Variants in LAMA5 observed in about 807,000 individuals in gnomAD.
LAMA5 encodes the protein laminin subunit alpha 5, also known as laminin subunit alpha-5.
In LAMA5, 260 loss-of-function variants were observed where a neutral mutation model predicts 433.4. That is an observed-to-expected ratio of 0.60 (90% CI 0.54 to 0.66). The LOEUF is 0.66. Among genes scored for constraint, LAMA5 ranks in the 30% least tolerant of loss-of-function variants. The pLI, the probability that LAMA5 is intolerant of heterozygous loss-of-function variation, is 0.00. For missense variants in LAMA5, 5,378 were observed against 5,258.5 expected (o/e 1.02, Z -0.70); for synonymous variants, 2,620 against 2,226.6 (o/e 1.18, Z -4.97).
At chr20:62,348,127 G>GT (rs1482972795) in intron 6 of LAMA5, among the ~76,000 whole-genome samples, 3 of 152,208 alleles carry the variant, frequency 2.0e-5, no homozygotes, top group Non-Finnish European at 4.4e-5. Context: ...ACCCTGGGGT[G>GT]TATAGCAAAA....
At chr20:62,312,823 G>T (rs199590636) in intron 66 of LAMA5, 43 bp from the exon 67 acceptor site, 66 of 1,601,630 alleles carry the variant, frequency 4.1e-5, no homozygotes, top group Non-Finnish European at 5.3e-5. Context: ...GTGTCCCTGC[G>T]GCCTGCCCCG....
intron 55 of LAMA5, 27 bp from the exon 56 acceptor site, chr20:62,317,050 G>C (rs769258562): frequency 6.6e-7 from 1 of 1,513,020 alleles, no homozygotes; most frequent in Non-Finnish European, 8.8e-7. Flanking sequence ...GGTCGAAGGA[G>C]TGGGTAAGCG....
At position 62,329,164 on chromosome 20, in the gene LAMA5, G is replaced by A. The variant is rs768639039; in HGVS notation, c.4209C>T (p.His1403=). The change falls in exon 33 of 80, where the codon CAC becomes CAT. Residue 1403 remains histidine, a synonymous_variant. Transcript: ENST00000252999. The part of the protein sequence containing the change: ...PLDKSYDFIS[H]CAAQGYHISP... The stretch of plus-strand genomic sequence containing the variant: ...TGATGTGGTAGCCCTGGGCTGCGCA[G>A]TGGCTGATGAAGTCATAGGATTTAT... 2 of 1,612,840 alleles carry A rather than the reference G, an allele frequency of 1.2e-6. No homozygotes were observed. Among genetic ancestry groups the A allele is most frequent in the South Asian group, 1.1e-5 (1 of 91,086 alleles).
chr20:62,354,939 C>A (rs749863), intron 2 of LAMA5, among the ~76,000 whole-genome samples: 1 of 152,190 alleles, frequency 6.6e-6, no homozygotes, highest in African/African-American at 2.4e-5. Context: ...ACCTCTCCCC[C>A]GCCTGTGCGA....
At chr20:62,325,108 G>A (rs1979027322) in intron 41 of LAMA5, 1 of 570,584 alleles carries the variant, frequency 1.8e-6, no homozygotes, top group Non-Finnish European at 3.1e-6. Flanking sequence ...ATGAGGGGCA[G>A]GCAGGCGGAC....
rs147494593 is a variant in LAMA5 at position 62,336,660 on chromosome 20, C to G, written c.2217+74G>C. On this transcript the variant is annotated intron_variant, in intron 17 of 79. Transcript: ENST00000252999. ...TGAGCAGCAGGCAGGAAGCCCTGGT[C>G]TCACCGGACTCGGGACTTTTAGCTT... The G allele has an allele frequency of 1.8e-4, 275 of 1,546,416 alleles. 1 individual carries two copies. In the African/African-American group the frequency reaches 2.8e-3, roughly 16 times the overall value.
In LAMA5 at chr20:62,327,616, C is replaced by G. The variant is rs747930255; in HGVS notation, c.4851G>C (p.Leu1617=). 1 of 1,613,024 alleles carries G rather than the reference C, an allele frequency of 6.2e-7. No homozygotes were observed. The highest frequency in any genetic ancestry group is 2.2e-5 in the East Asian group (1 of 44,890). ...CDQCSLGTFS[L]DAANPKGCTR... is the part of the protein sequence containing the mutation. ...TGCAACCTTTGGGGTTGGCAGCATCCAGTGAGAAGGTCCCAAGGCTGCACT... is the reference window on the plus strand; with the variant it reads ...TGCAACCTTTGGGGTTGGCAGCATCGAGTGAGAAGGTCCCAAGGCTGCACT... Residue 1617 remains leucine (L), a synonymous_variant, in exon 37 of 80, where the codon CTG becomes CTC. Transcript: ENST00000252999.
chr20:62,316,796 T>G, intron 56 of LAMA5, 23 bp from the exon 57 acceptor site: 1 of 1,587,170 alleles, frequency 6.3e-7, no homozygotes, highest in Non-Finnish European at 8.6e-7. Flanking sequence ...GGGCAGACCG[T>G]GGCTCAGACA....
Position 62,319,807 on chromosome 20 carries a change from G to GAGCCCACT in LAMA5, c.6760-20_6760-13dup. ...CGGGTCCCCACGGCCTGTGGAGGAA[G>GAGCCCACT]AGCCCACTAGCCCACGCTGCTGGTA... On this transcript the variant is annotated splice_polypyrimidine_tract_variant and intron_variant, in intron 50 of 79. Coordinates refer to ENST00000252999, the MANE Select transcript of LAMA5 (RefSeq NM_005560.6). 6.5e-7 allele frequency: 1 copy of GAGCCCACT among 1,537,336 alleles called. No homozygotes were observed. The highest frequency in any genetic ancestry group is 1.4e-5 in the African/African-American group (1 of 73,026).
At chr20:62,328,106 A>C (rs1979644540) in intron 35 of LAMA5, 96 bp from the exon 36 acceptor site, 2 of 1,548,740 alleles carry the variant, frequency 1.3e-6, no homozygotes, top group African/African-American at 2.7e-5. Flanking sequence ...GCATCCTCCC[A>C]GAAGTGGAGG....
In LAMA5 at chr20:62,318,481, G is replaced by T; in HGVS notation, c.7212C>A (p.Arg2404=). The T allele has an allele frequency of 5.0e-6, 8 of 1,607,480 alleles. No individual in the cohort carries two copies. Among genetic ancestry groups the T allele is most frequent in the Non-Finnish European group, 6.8e-6 (8 of 1,178,598 alleles). Reference sequence around the variant, plus strand: ...GGGCTTCCTCCAGGCGCTCCTGGTTGCGGCTGTTGAGCTCCTGGGCCTCCC... The same window carrying T: ...GGGCTTCCTCCAGGCGCTCCTGGTTTCGGCTGTTGAGCTCCTGGGCCTCCC... ...ATREAQELNS[R]NQERLEEALQ... Residue 2404 remains arginine (R), a synonymous_variant, in exon 53 of 80, where the codon CGC becomes CGA. Coordinates refer to ENST00000252999, the MANE Select transcript of LAMA5 (RefSeq NM_005560.6).
Position 62,353,160 on chromosome 20 carries a change from G to C in LAMA5, c.542C>G (p.Thr181Ser). The change falls in exon 3 of 80, where the codon ACC (threonine) becomes AGC (serine). Residue 181 changes from threonine (T) to serine (S), a missense_variant. By Grantham distance (58) the Thr-to-Ser change is moderately conservative. Transcript: ENST00000252999. ...GGCAAAGAACTGCCAGGGCTGGTAG[G>C]TGCGGCCGAAGTCCATGGACCGCTC... is the stretch of plus-strand genomic sequence containing the variant. Reference protein sequence around the residue: ...VLERSMDFGRTYQPWQFFASS... With the variant: ...VLERSMDFGRSYQPWQFFASS... 2 of 1,577,922 alleles carry C rather than the reference G, an allele frequency of 1.3e-6. No homozygotes were observed. Among genetic ancestry groups the C allele is most frequent in the Non-Finnish European group, 1.7e-6 (2 of 1,162,460 alleles).
rs760630940 is a variant in LAMA5, at chr20:62,332,381, G to A, written c.3543C>T (p.Arg1181=). 6.2e-7 allele frequency: 1 copy of A among 1,611,342 alleles called. No homozygotes were observed. The highest frequency in any genetic ancestry group is 1.1e-5 in the South Asian group (1 of 91,050). The change falls in exon 28 of 80, where the codon CGC becomes CGT. Residue 1181 remains arginine, a synonymous_variant. Transcript: ENST00000252999. ...ASVRLTAEQA[R]FFLHGVTLVP... ...CCTGAGGGGTCCTTACCAGGAAGAA[G>A]CGTGCCTGTTCGGCTGTGAGCCTCA...
chr20:62,321,990 T>TGTGGGGAA (rs1987864971), intron 48 of LAMA5, 29 bp downstream of exon 48: 4 of 1,588,180 alleles, frequency 2.5e-6, no homozygotes, highest in Non-Finnish European at 3.4e-6. Flanking sequence ...CTCCATCAGG[T>TGTGGGGAA]GTGGGGAAGT....
chr20:62,363,411 T>C (rs1044659085), intron 1 of LAMA5, among the ~76,000 whole-genome samples: 1 of 152,134 alleles, frequency 6.6e-6, no homozygotes, highest in Non-Finnish European at 1.5e-5. Flanking sequence ...ACACACAGCC[T>C]GGCAGCCGCT....
intron 6 of LAMA5, among the ~76,000 whole-genome samples, chr20:62,350,801 C>T (rs1191380675): frequency 6.6e-6 from 1 of 152,248 alleles, no homozygotes; most frequent in African/African-American, 2.4e-5. Context: ...TCCCAGCTGC[C>T]TCCCCCGGAA....
chr20:62,323,757 T>A lies in LAMA5; in HGVS notation c.5849+19A>T, dbSNP rs757175227. 1 of 1,605,590 alleles carries A rather than the reference T, an allele frequency of 6.2e-7. No homozygotes were observed. The highest frequency in any genetic ancestry group is 1.1e-5 in the South Asian group (1 of 90,330). On this transcript the variant is annotated intron_variant, in intron 44 of 79. Coordinates refer to ENST00000252999, the MANE Select transcript of LAMA5 (RefSeq NM_005560.6). Reference sequence around the variant, plus strand: ...GGTCAGCACTCAGGCCCTGCCCCACTGCCCTAGCCCCAGCTCACCGCTCGC... The same window carrying A: ...GGTCAGCACTCAGGCCCTGCCCCACAGCCCTAGCCCCAGCTCACCGCTCGC...
At position 62,367,032 on chromosome 20, in the gene LAMA5, C is replaced by A; in HGVS notation, c.214G>T (p.Gly72Cys). Residue 72 changes from glycine (G) to cysteine (C), a missense_variant, in exon 1 of 80, where the codon GGC becomes TGC. Transcript: ENST00000252999. Reference protein sequence around the residue: ...ATCGEEAPARGSPRPTEDLYC... With the variant: ...ATCGEEAPARCSPRPTEDLYC... ...AGGTCCTCGGTGGGGCGCGGGGAGC[C>A]GCGCGCCGGGGCCTCCTCTCCGCAG... 7.9e-7 allele frequency: 1 copy of A among 1,261,384 alleles called. No individual in the cohort carries two copies. Among genetic ancestry groups the A allele is most frequent in the Non-Finnish European group, 9.9e-7 (1 of 1,010,618 alleles). The allele number at this position is 1,261,384 out of a possible 1,614,324, so 78.1% of individuals were successfully genotyped here. A position where few individuals can be genotyped will look rare whatever the true frequency, so the allele number is the denominator to read the frequency against.
chr20:62,323,695 G>C, intron 44 of LAMA5, 25 bp from the exon 45 acceptor site: 1 of 1,595,068 alleles, frequency 6.3e-7, no homozygotes, highest in Non-Finnish European at 8.6e-7. Flanking sequence ...GGGAGGGGCC[G>C]TCAGTGGCCC....
Sources: gnomAD v4.1 joint callset for allele counts (sites outside exome capture counted in the v4.1 genomes callset) on GRCh38, gnomAD v4.1.1 for gene constraint, MANE v1.5 for transcripts, NCBI Gene and HGNC (gene_info 2026-07-23, HGNC 2026-07-21) for gene names.